The following SGSM1 variants were observed in gnomAD, a reference collection of about 807,000 sequenced individuals.
SGSM1 encodes the protein small G protein signaling modulator 1.
A neutral mutation model predicts 133.8 loss-of-function variants in SGSM1; 73 were observed. The observed-to-expected ratio is 0.55, with a 90% CI of 0.45 to 0.66. The LOEUF is 0.66. SGSM1 is among the 30% of genes least tolerant of loss of function. SGSM1 has a pLI of 0.00. For missense variants in SGSM1, 1,213 were observed against 1,448.1 expected (o/e 0.84, Z 2.64); for synonymous variants, 563 against 573.0 (o/e 0.98, Z 0.25).
At chr22:24,866,953 TG>T in intron 9 of SGSM1, 139 bp from the exon 10 acceptor site, 1 of 747,912 alleles carries the variant, frequency 1.3e-6, no homozygotes, top group Non-Finnish European at 2.2e-6. Context: ...AGATAGAGTC[TG>T]GGCAGGCTGG....
At chr22:24,911,185 C>T (rs748366189) in intron 21 of SGSM1, among the ~76,000 whole-genome samples, 5 of 151,842 alleles carry the variant, frequency 3.3e-5, no homozygotes, top group Admixed American at 6.6e-5. Flanking sequence ...TGCAGTGAGC[C>T]GTGATTGTGC....
intron 18 of SGSM1, 86 bp downstream of exon 18, chr22:24,895,377 G>C (rs1932891831): frequency 2.2e-6 from 3 of 1,362,828 alleles, no homozygotes; most frequent in Admixed American, 4.0e-5. Context: ...GTCATCTGTA[G>C]GTCACTTTTT....
chr22:24,859,651 G>T (rs1484906516), intron 8 of SGSM1, 65 bp from the exon 9 acceptor site: 2 of 1,605,674 alleles, frequency 1.2e-6, no homozygotes, highest in Non-Finnish European at 1.7e-6. Context: ...AATCAAACGG[G>T]CCAGGACCTA....
chr22:24,893,315 G>C (rs1932845987), intron 16 of SGSM1, 116 bp from the exon 17 acceptor site: 1 of 1,078,884 alleles, frequency 9.3e-7, no homozygotes, highest in Non-Finnish European at 1.3e-6. Flanking sequence ...AATATCTGCT[G>C]GATGTTAACT....
At chr22:24,894,395 A>G (rs921547312) in intron 17 of SGSM1, among the ~76,000 whole-genome samples, 2 of 152,222 alleles carry the variant, frequency 1.3e-5, no homozygotes, top group African/African-American at 2.4e-5. Context: ...CCCTCTCAAA[A>G]AAAAGTTAAT....
chr22:24,906,212 C>G (rs769038497), intron 21 of SGSM1, among the ~76,000 whole-genome samples: 1 of 152,042 alleles, frequency 6.6e-6, no homozygotes, highest in African/African-American at 2.4e-5. Context: ...AATCCAACAC[C>G]CTTTCATAAT....
chr22:24,818,242 A>G (rs12161018), intron 2 of SGSM1, among the ~76,000 whole-genome samples: 7,551 of 149,804 alleles, frequency 0.05, 602 homozygotes, highest in African/African-American at 0.17. Flanking sequence ...AAAAAAAAAA[A>G]AAATAAAATA....
chr22:24,812,013 T>A (rs904752811), intron 2 of SGSM1, among the ~76,000 whole-genome samples: 1 of 150,708 alleles, frequency 6.6e-6, no homozygotes, highest in South Asian at 2.1e-4. Flanking sequence ...CTACAAAAAA[T>A]ACAAAAATTA....
intron 13 of SGSM1, among the ~76,000 whole-genome samples, chr22:24,878,286 G>C (rs1932133513): frequency 6.6e-6 from 1 of 152,174 alleles, no homozygotes; most frequent in Non-Finnish European, 1.5e-5. Flanking sequence ...AGTGAGAAAG[G>C]CTGCTATAAC....
At chr22:24,864,992 G>A (rs1931367143) in intron 9 of SGSM1, among the ~76,000 whole-genome samples, 1 of 152,178 alleles carries the variant, frequency 6.6e-6, no homozygotes, top group African/African-American at 2.4e-5. Context: ...AGCATATAGG[G>A]AGAATTTATG....
chr22:24,887,059 A>G (rs1932646748), intron 16 of SGSM1, among the ~76,000 whole-genome samples: 1 of 151,696 alleles, frequency 6.6e-6, no homozygotes, highest in African/African-American at 2.4e-5. Context: ...TTGACATGGT[A>G]TAATATACTC....
At chr22:24,850,243 TGTGA>T in intron 4 of SGSM1, 33 bp from the exon 5 acceptor site, 2 of 1,537,010 alleles carry the variant, frequency 1.3e-6, no homozygotes, top group Non-Finnish European at 1.8e-6. Flanking sequence ...GATTTGCTCT[TGTGA>T]GTATCTATTC....
At chr22:24,854,953 T>A in intron 5 of SGSM1, 43 bp from the exon 6 acceptor site, 1 of 1,539,786 alleles carries the variant, frequency 6.5e-7, no homozygotes, top group Admixed American at 1.8e-5. Flanking sequence ...GTGCGTCCTC[T>A]GCTGGTCTCC....
rs983628085 is a variant in SGSM1 at position 24,868,370 on chromosome 22, C to T, written c.995-6C>T. On this transcript the variant is annotated splice_region_variant and splice_polypyrimidine_tract_variant and intron_variant, in intron 10 of 24. Transcript: ENST00000400358. ...CTGGGTCTTCTCTGGCTGGTGGTGG[C>T]GGCAGTTGACAGCGGCGGGACAGTG... The T allele has an allele frequency of 6.2e-6, 10 of 1,604,450 alleles. No homozygotes were observed. Among genetic ancestry groups the T allele is most frequent in the South Asian group, 1.1e-5 (1 of 90,454 alleles).
At chr22:24,889,411 CTTTTT>C (rs535610385) in intron 16 of SGSM1, among the ~76,000 whole-genome samples, 2 of 136,852 alleles carry the variant, frequency 1.5e-5, no homozygotes, top group Non-Finnish European at 1.6e-5. Context: ...AAATGTATTT[CTTTTT>C]TTTTTTTTTT....
intron 2 of SGSM1, among the ~76,000 whole-genome samples, chr22:24,821,766 A>T (rs1028473954): frequency 6.6e-6 from 1 of 152,152 alleles, no homozygotes; most frequent in Non-Finnish European, 1.5e-5. Flanking sequence ...GACTTATTAA[A>T]GTCTTATTGG....
chr22:24,847,924 A>G (rs1228685010), intron 4 of SGSM1, 128 bp downstream of exon 4: 14 of 1,293,748 alleles, frequency 1.1e-5, no homozygotes, highest in Non-Finnish European at 1.0e-6. Context: ...CAAACCCACC[A>G]GACTCTTTCC....
chr22:24,888,055 T>C (rs987173226), intron 16 of SGSM1, among the ~76,000 whole-genome samples: 2 of 152,228 alleles, frequency 1.3e-5, no homozygotes, highest in Non-Finnish European at 2.9e-5. Context: ...TTGGTTTTTT[T>C]TCCTGTGGAG....
At chr22:24,823,941 G>A (rs557979526) in intron 2 of SGSM1, among the ~76,000 whole-genome samples, 8 of 152,144 alleles carry the variant, frequency 5.3e-5, no homozygotes, top group South Asian at 2.1e-4. Flanking sequence ...ATTATCTTAC[G>A]CCAGTGAGGC....
Sources: gnomAD v4.1 joint callset for allele counts (sites outside exome capture counted in the v4.1 genomes callset) on GRCh38, gnomAD v4.1.1 for gene constraint, MANE v1.5 for transcripts, NCBI Gene and HGNC (gene_info 2026-07-23, HGNC 2026-07-21) for gene names.